Variants in SRRM3 observed in about 807,000 individuals in gnomAD.
The protein encoded by SRRM3 is serine/arginine repetitive matrix protein 3.
In SRRM3, 27 loss-of-function variants were observed where a neutral mutation model predicts 66.2. The ratio of observed to expected loss-of-function variants is 0.41; its 90% confidence interval spans 0.30 to 0.56. The LOEUF is 0.56. Among genes scored for constraint, SRRM3 ranks in the 20% least tolerant of loss-of-function variants. The pLI is 0.32. For missense variants in SRRM3, 918 were observed against 991.9 expected, an observed-to-expected ratio of 0.93 and a Z score of 1.00; for synonymous variants, 391 against 414.9, an observed-to-expected ratio of 0.94 and a Z score of 0.70.
Position 76,260,201 on chromosome 7 carries a change from A to G in SRRM3, c.545+4A>G. 1 of 1,536,270 alleles carries G rather than the reference A, an allele frequency of 6.5e-7. No homozygotes were observed. The highest frequency in any genetic ancestry group is 8.8e-7 in the Non-Finnish European group (1 of 1,142,522). ...AAGGCGGCCACCGGAGAAGCCGGTG[A>G]GAACCGCGCCTGACCGGAGCGGGAA... On this transcript the variant is annotated splice_donor_region_variant and intron_variant, in intron 5 of 14. Transcript: ENST00000611745.
chr7:76,211,828 T>TTAATAA (rs201120331), intron 1 of SRRM3, among the ~76,000 whole-genome samples: 1 of 136,634 alleles, frequency 7.3e-6, no homozygotes, highest in East Asian at 2.0e-4. Context: ...ATTATTATTA[T>TTAATAA]TATTATTATT....
intron 2 of SRRM3, among the ~76,000 whole-genome samples, chr7:76,246,852 GC>G (rs1478766831): frequency 6.6e-6 from 1 of 152,226 alleles, no homozygotes; most frequent in Non-Finnish European, 1.5e-5. Flanking sequence ...CAAGAGTGCA[GC>G]AGTCCTGTTT....
chr7:76,207,875 T>C (rs1336823141), intron 1 of SRRM3, among the ~76,000 whole-genome samples: 1 of 152,050 alleles, frequency 6.6e-6, no homozygotes, highest in Non-Finnish European at 1.5e-5. Flanking sequence ...GGGGACTCTG[T>C]CTCAGTAAAG....
chr7:76,208,042 G>C (rs1800343099), intron 1 of SRRM3, among the ~76,000 whole-genome samples: 1 of 152,120 alleles, frequency 6.6e-6, no homozygotes, highest in African/African-American at 2.4e-5. Flanking sequence ...GATTTCCCCT[G>C]GTGAAAATAA....
At chr7:76,210,009 A>G (rs1247029517) in intron 1 of SRRM3, among the ~76,000 whole-genome samples, 2 of 152,196 alleles carry the variant, frequency 1.3e-5, no homozygotes, top group Non-Finnish European at 2.9e-5. Flanking sequence ...TGCCTGCAAT[A>G]GGGTAGGAGG....
chr7:76,247,848 C>T (rs1269702847), intron 2 of SRRM3, among the ~76,000 whole-genome samples: 1 of 152,174 alleles, frequency 6.6e-6, no homozygotes, highest in African/African-American at 2.4e-5. Context: ...GCGCCCACCA[C>T]CACATCCGGC....
intron 1 of SRRM3, among the ~76,000 whole-genome samples, chr7:76,231,694 C>T (rs1243630152): frequency 3.9e-5 from 6 of 152,270 alleles, no homozygotes; most frequent in Non-Finnish European, 8.8e-5. Flanking sequence ...ATAGGAGTTA[C>T]AAGCAAACAG....
At chr7:76,278,981 G>A (rs1300755517) in intron 11 of SRRM3, among the ~76,000 whole-genome samples, 1 of 152,156 alleles carries the variant, frequency 6.6e-6, no homozygotes, top group Non-Finnish European at 1.5e-5. Flanking sequence ...GGCCGGGCTC[G>A]GTGGCTCTCG....
At chr7:76,212,825 G>C (rs998280384) in intron 1 of SRRM3, among the ~76,000 whole-genome samples, 2 of 151,910 alleles carry the variant, frequency 1.3e-5, no homozygotes, top group Non-Finnish European at 2.9e-5. Context: ...GTTGAGAACC[G>C]GTGCCTCATC....
chr7:76,277,734 AAGAG>A (rs5884991), intron 11 of SRRM3, among the ~76,000 whole-genome samples: 1 of 101,902 alleles, frequency 9.8e-6, no homozygotes. Flanking sequence ...AAAAAAAAAA[AAGAG>A]AGAGAGAGAA....
At chr7:76,260,994 G>A in intron 6 of SRRM3, 91 bp downstream of exon 6, 3 of 1,360,318 alleles carry the variant, frequency 2.2e-6, no homozygotes, top group East Asian at 2.5e-5. Flanking sequence ...CCGGAGGCCT[G>A]GACCCTCAGG....
intron 3 of SRRM3, 51 bp from the exon 4 acceptor site, chr7:76,259,855 G>A: frequency 6.3e-7 from 1 of 1,597,838 alleles, no homozygotes; most frequent in Non-Finnish European, 8.5e-7. Flanking sequence ...GAGAAAAGGG[G>A]TGAAGAAAAG....
chr7:76,209,464 C>T (rs1800377715), intron 1 of SRRM3, among the ~76,000 whole-genome samples: 1 of 152,124 alleles, frequency 6.6e-6, no homozygotes, highest in African/African-American at 2.4e-5. Context: ...CTCCAGAGAG[C>T]ATCATGGGCA....
chr7:76,254,136 T>A (rs537331240), intron 3 of SRRM3, among the ~76,000 whole-genome samples: 1 of 152,038 alleles, frequency 6.6e-6, no homozygotes, highest in South Asian at 2.1e-4. Context: ...CCACCAGGAC[T>A]ACAGGCATGC....
At chr7:76,258,645 C>A (rs538550820) in intron 3 of SRRM3, among the ~76,000 whole-genome samples, 2 of 133,470 alleles carry the variant, frequency 1.5e-5, no homozygotes, top group Non-Finnish European at 3.1e-5. Flanking sequence ...ACCCAGCAGG[C>A]GGAGGATGCA....
At chr7:76,224,412 A>C (rs1013088257) in intron 1 of SRRM3, among the ~76,000 whole-genome samples, 1 of 138,430 alleles carries the variant, frequency 7.2e-6, no homozygotes, top group Admixed American at 8.4e-5. Flanking sequence ...CATGTCTAAC[A>C]TCATTCTCTT....
At chr7:76,205,206 C>G (rs1019629759) in intron 1 of SRRM3, among the ~76,000 whole-genome samples, 3 of 152,044 alleles carry the variant, frequency 2.0e-5, no homozygotes, top group Non-Finnish European at 4.4e-5. Flanking sequence ...CTCTCTCTCT[C>G]TCTTTTGTTT....
intron 2 of SRRM3, among the ~76,000 whole-genome samples, chr7:76,237,401 G>A (rs963504427): frequency 3.3e-5 from 5 of 151,680 alleles, no homozygotes; most frequent in South Asian, 2.1e-4. Context: ...GCAAGACTCC[G>A]TCTCAAAATA....
intron 1 of SRRM3, among the ~76,000 whole-genome samples, chr7:76,230,748 CTTACTTT>C: frequency 1.1e-5 from 1 of 89,220 alleles, no homozygotes; most frequent in African/African-American, 4.3e-5. Context: ...ATTTCTTTTA[CTTACTTT>C]TTTTTTTTTT....
Sources: allele counts gnomAD v4.1 joint callset (sites outside exome capture counted in the v4.1 genomes callset), GRCh38; gene constraint gnomAD v4.1.1; transcripts MANE v1.5; gene names NCBI Gene and HGNC (gene_info 2026-07-23, HGNC 2026-07-21).